CCNY: variants seen among roughly 807,000 people sequenced by gnomAD.
CCNY encodes the protein cyclin Y, also known as cyclin-Y.
CCNY carries 19 observed loss-of-function variants against 42.8 expected under a neutral mutation model. That is an observed-to-expected ratio of 0.44 (90% CI 0.31 to 0.65). CCNY has a LOEUF of 0.65. CCNY is among the 30% of genes least tolerant of loss of function. The pLI is 0.07. For missense variants in CCNY, 370 were observed against 437.3 expected (o/e 0.85, Z 1.37); for synonymous variants, 165 against 162.7 (o/e 1.01, Z -0.11).
intron 7 of CCNY, among the ~76,000 whole-genome samples, chr10:35,538,195 T>C (rs893096467): frequency 1.3e-5 from 2 of 152,238 alleles, no homozygotes; most frequent in African/African-American, 2.4e-5. Context: ...TCCCCAGCCA[T>C]GTGGAACTGT....
chr10:35,566,973 A>C (rs1841584834), intron 9 of CCNY, among the ~76,000 whole-genome samples: 1 of 152,128 alleles, frequency 6.6e-6, no homozygotes, highest in Non-Finnish European at 1.5e-5. Flanking sequence ...TGGCCTCCTA[A>C]AGTGCTGGTA....
chr10:35,460,613 A>G (rs1344761251), intron 1 of CCNY, among the ~76,000 whole-genome samples: 5 of 152,260 alleles, frequency 3.3e-5, no homozygotes, highest in Admixed American at 2.6e-4. Flanking sequence ...AATGGAAGAG[A>G]AAAAAGAAAA....
At chr10:35,501,668 C>CT in intron 3 of CCNY, 133 bp downstream of exon 3, 1 of 791,100 alleles carries the variant, frequency 1.3e-6, no homozygotes, top group South Asian at 1.5e-5. Flanking sequence ...TGTACTTATG[C>CT]TTAGTTTGGT....
Position 35,408,253 on chromosome 10 carries a change from C to T in CCNY, c.154+71046C>T, listed in dbSNP as rs181625317. ...GTGAGGGTGAGGACAGGGGACTGGT[C>T]TCCCGAAGGAGTCCCGCTGACCTGG... is the stretch of plus-strand genomic sequence containing the variant. On this transcript the variant is annotated intron_variant, in intron 1 of 9. Transcript: ENST00000374704. 7.0e-3 allele frequency among the ~76,000 whole-genome samples: 1,072 copies of T among 152,310 alleles called. 13 individuals are homozygous for T. The highest frequency in any genetic ancestry group is 0.025 in the African/African-American group (1,023 of 41,550).
chr10:35,501,764 G>A, intron 3 of CCNY: 1 of 463,024 alleles, frequency 2.2e-6, no homozygotes, highest in Non-Finnish European at 3.9e-6. Context: ...TTCATGAGAT[G>A]ATGTGTGTGA....
intron 3 of CCNY, among the ~76,000 whole-genome samples, chr10:35,269,631 G>T (rs7904660): frequency 0.31 from 39,704 of 126,822 alleles, 5,874 homozygotes; most frequent in Middle Eastern, 0.37. Context: ...TTTTTTTTTT[G>T]TTTTGTTTTT....
At chr10:35,441,451 G>A (rs905839679) in intron 1 of CCNY, among the ~76,000 whole-genome samples, 4 of 152,168 alleles carry the variant, frequency 2.6e-5, no homozygotes, top group Non-Finnish European at 5.9e-5. Context: ...CTTTAGCTTA[G>A]CAATTGGGCT....
At chr10:35,542,359 C>G (rs761240684) in intron 7 of CCNY, among the ~76,000 whole-genome samples, 44 of 151,874 alleles carry the variant, frequency 2.9e-4, no homozygotes, top group Non-Finnish European at 4.9e-4. Flanking sequence ...TACATTTGAT[C>G]AACATGACTC....
intron 3 of CCNY, among the ~76,000 whole-genome samples, chr10:35,268,087 G>C (rs1260630816): frequency 6.6e-6 from 1 of 152,032 alleles, no homozygotes; most frequent in African/African-American, 2.4e-5. Flanking sequence ...ACTACACCCG[G>C]CTAATTTTGT....
chr10:35,486,157 G>A (rs1839784123), intron 2 of CCNY, among the ~76,000 whole-genome samples: 2 of 152,160 alleles, frequency 1.3e-5, no homozygotes, highest in African/African-American at 4.8e-5. Context: ...AGGTCCCTAA[G>A]CCAAGGAGGG....
intron 1 of CCNY, among the ~76,000 whole-genome samples, chr10:35,421,113 A>T (rs1027001592): frequency 6.6e-6 from 1 of 151,780 alleles, no homozygotes; most frequent in African/African-American, 2.4e-5. Context: ...GTGTAGGACG[A>T]GGTTCAAAGG....
At position 35,530,057 on chromosome 10, in the gene CCNY, A is replaced by T; in HGVS notation, c.459+27A>T. Reference sequence around the variant, plus strand: ...TAATCTCCTCCGTGTGTTTCATGAGATGATTTAATTATTTCTCTTTTGCTC... The same window carrying T: ...TAATCTCCTCCGTGTGTTTCATGAGTTGATTTAATTATTTCTCTTTTGCTC... On this transcript the variant is annotated intron_variant, in intron 6 of 9. Coordinates refer to ENST00000374704, the MANE Select transcript of CCNY (RefSeq NM_145012.6). The surrounding 1 kb of genome is among the most constrained non-coding windows in gnomAD (Gnocchi z 4.3). 6.2e-7 allele frequency: 1 copy of T among 1,614,046 alleles called. No homozygotes were observed. The highest frequency in any genetic ancestry group is 8.5e-7 in the Non-Finnish European group (1 of 1,179,910).
chr10:35,502,551 C>G (rs182978477), intron 3 of CCNY, among the ~76,000 whole-genome samples: 61 of 152,268 alleles, frequency 4.0e-4, no homozygotes, highest in Non-Finnish European at 4.9e-4. Flanking sequence ...CCTTAGGAGA[C>G]TGATGACTTC....
chr10:35,369,278 A>G (rs1336567883), intron 1 of CCNY, among the ~76,000 whole-genome samples: 1 of 152,204 alleles, frequency 6.6e-6, no homozygotes, highest in African/African-American at 2.4e-5. Context: ...TTGAGGTCCC[A>G]CTTGTGACCT....
chr10:35,345,016 A>C (rs1298639939), intron 1 of CCNY, among the ~76,000 whole-genome samples: 1 of 152,200 alleles, frequency 6.6e-6, no homozygotes, highest in Non-Finnish European at 1.5e-5. Context: ...TGCTATTGTG[A>C]ATAGTGCCGC....
rs551698262 is a variant in CCNY, at chr10:35,330,358, C to G, written c.-9+79732C>G. 9.8e-5 allele frequency among the ~76,000 whole-genome samples: 15 copies of G among 152,320 alleles called. No individual in the cohort carries two copies. The East Asian group carries it at 2.7e-3, about 27-fold the overall frequency. ...TTTCTTTTTCCTACCTATACCGTAT[C>G]TTGGCTCCAGAGGCTGCCTACTGTA... On this transcript the variant is annotated intron_variant, in intron 3 of 11. Coordinates refer to the CCNY transcript ENST00000374706.
chr10:35,504,693 T>C (rs1218635692), intron 3 of CCNY, among the ~76,000 whole-genome samples: 1 of 152,088 alleles, frequency 6.6e-6, no homozygotes, highest in African/African-American at 2.4e-5. Context: ...CTGGAGGGCA[T>C]TGGTACGATC....
At chr10:35,327,069 G>T (rs1235616119) in intron 3 of CCNY, among the ~76,000 whole-genome samples, 1 of 152,044 alleles carries the variant, frequency 6.6e-6, no homozygotes, top group East Asian at 1.9e-4. Context: ...ATTAATAAGG[G>T]GAAAAGCATT....
intron 5 of CCNY, among the ~76,000 whole-genome samples, chr10:35,527,533 A>G (rs937326560): frequency 6.6e-6 from 1 of 152,198 alleles, no homozygotes; most frequent in Non-Finnish European, 1.5e-5. Context: ...TGGTATCTTC[A>G]TTTTACAGAT....
Sources: gnomAD v4.1 joint callset for allele counts (sites outside exome capture counted in the v4.1 genomes callset) on GRCh38, gnomAD v4.1.1 for gene constraint, Gnocchi (gnomAD v3.1) non-coding constraint, MANE v1.5 for transcripts, NCBI Gene and HGNC (gene_info 2026-07-23, HGNC 2026-07-21) for gene names.